The following ABLIM1 variants were observed in gnomAD, a reference collection of about 807,000 sequenced individuals.
The protein encoded by ABLIM1 is actin binding LIM protein 1.
In ABLIM1, 40 loss-of-function variants were observed where a neutral mutation model predicts 107.0. The observed-to-expected ratio is 0.37, with a 90% confidence interval of 0.29 to 0.49. The LOEUF (loss-of-function observed/expected upper bound fraction) is 0.49. Among genes scored for constraint, ABLIM1 ranks in the 20% least tolerant of loss-of-function variants. The pLI, the probability that ABLIM1 is intolerant of heterozygous loss-of-function variation, is 0.97. For missense variants in ABLIM1, 857 were observed against 1,008.5 expected (o/e 0.85, Z 2.04); for synonymous variants, 357 against 357.3 (o/e 1.00, Z 0.01).
chr10:114,646,921 T>C (rs1313367089), intron 1 of ABLIM1, among the ~76,000 whole-genome samples: 29 of 152,186 alleles, frequency 1.9e-4, no homozygotes, highest in Admixed American at 1.9e-3. Context: ...AGTATTCCCA[T>C]CATGGATAGC....
At chr10:114,440,278 T>A (rs1405185718) in intron 19 of ABLIM1, among the ~76,000 whole-genome samples, 189 bp from the exon 20 acceptor site, 1 of 152,182 alleles carries the variant, frequency 6.6e-6, no homozygotes, top group Admixed American at 6.5e-5. Flanking sequence ...TGGTCCAGTG[T>A]TAGTTAACAG....
At chr10:114,660,983 T>G (rs1340504959), upstream of ABLIM1, among the ~76,000 whole-genome samples, 1 of 152,176 alleles carries the variant, frequency 6.6e-6, no homozygotes, top group African/African-American at 2.4e-5. Context: ...CTGCATTAAC[T>G]CTACCTCAGT....
chr10:114,491,931 G>T, intron 6 of ABLIM1, 53 bp from the exon 7 acceptor site: 2 of 1,378,940 alleles, frequency 1.5e-6, no homozygotes, highest in Non-Finnish European at 2.0e-6. Flanking sequence ...ATGGATTCCA[G>T]AATCTTTTCT....
chr10:114,476,848 T>G (rs1470627221), intron 8 of ABLIM1, among the ~76,000 whole-genome samples: 2 of 152,048 alleles, frequency 1.3e-5, no homozygotes, highest in African/African-American at 4.8e-5. Context: ...GTGGCCAGGA[T>G]CTCACATTTT....
At chr10:114,678,380 CG>C (rs1387843100) in intron 1 of ABLIM1, among the ~76,000 whole-genome samples, 1 of 152,212 alleles carries the variant, frequency 6.6e-6, no homozygotes, top group African/African-American at 2.4e-5. Flanking sequence ...AAGCATGTCT[CG>C]TTAAGCTAAA....
the ABLIM1 span, chr10:114,779,868 G>T: frequency 6.6e-6 from 1 of 151,512 alleles, no homozygotes; most frequent in Non-Finnish European, 1.5e-5. Context: ...TATACGTCTA[G>T]GAAAGATCCT....
At chr10:114,715,820 GCAAT>G (rs1392474048) in intron 1 of ABLIM1, among the ~76,000 whole-genome samples, 3 of 152,062 alleles carry the variant, frequency 2.0e-5, no homozygotes, top group African/African-American at 4.8e-5. Context: ...TTTTTCATTT[GCAAT>G]CAAAGATTAT....
chr10:114,787,231 C>G, the ABLIM1 span, among the ~76,000 whole-genome samples: 1 of 151,794 alleles, frequency 6.6e-6, no homozygotes, highest in Non-Finnish European at 1.5e-5. Flanking sequence ...ACCGCCCTGT[C>G]TGAGAAGCGA....
chr10:114,652,477 C>T (rs771647745), intron 1 of ABLIM1, among the ~76,000 whole-genome samples: 5 of 152,192 alleles, frequency 3.3e-5, no homozygotes, highest in East Asian at 1.9e-4. Flanking sequence ...GAAACCATTC[C>T]GAGTGAAGAC....
intron 1 of ABLIM1, among the ~76,000 whole-genome samples, chr10:114,735,292 T>A (rs1313423678): frequency 6.6e-6 from 1 of 152,210 alleles, no homozygotes; most frequent in Non-Finnish European, 1.5e-5. Flanking sequence ...TATCTAAGAT[T>A]ATTATTTTGT....
chr10:114,492,943 A>G (rs2059200137), intron 6 of ABLIM1, among the ~76,000 whole-genome samples: 1 of 151,622 alleles, frequency 6.6e-6, no homozygotes, highest in Non-Finnish European at 1.5e-5. Flanking sequence ...AATCAGGTGG[A>G]AAAAAAAATT....
intron 1 of ABLIM1, among the ~76,000 whole-genome samples, chr10:114,666,677 C>T (rs1365575625): frequency 1.3e-5 from 2 of 152,134 alleles, no homozygotes; most frequent in Non-Finnish European, 2.9e-5. Flanking sequence ...GAATATCTCC[C>T]TCATGTATAT....
At chr10:114,567,802 G>T (rs2070979140) in intron 4 of ABLIM1, among the ~76,000 whole-genome samples, 1 of 152,230 alleles carries the variant, frequency 6.6e-6, no homozygotes, top group South Asian at 2.1e-4. Flanking sequence ...TTCTGAACAG[G>T]ATATTTCAAA....
chr10:114,508,355 G>C (rs2061426449), intron 6 of ABLIM1, among the ~76,000 whole-genome samples: 1 of 152,154 alleles, frequency 6.6e-6, no homozygotes, highest in Non-Finnish European at 1.5e-5. Flanking sequence ...TTACATTAAA[G>C]GACCTTTAAG....
At chr10:114,571,559 T>C (rs1238764942) in intron 3 of ABLIM1, among the ~76,000 whole-genome samples, 153 bp from the exon 4 acceptor site, 1 of 152,164 alleles carries the variant, frequency 6.6e-6, no homozygotes, top group East Asian at 1.9e-4. Context: ...GCCAGCCAGC[T>C]GGAGACAGTC....
chr10:114,604,144 AAGTG>A (rs1409816100), intron 1 of ABLIM1, among the ~76,000 whole-genome samples: 1 of 152,086 alleles, frequency 6.6e-6, no homozygotes, highest in African/African-American at 2.4e-5. Context: ...TCTCTCAGTG[AAGTG>A]AGTAATACTG....
At chr10:114,772,410 T>A (rs2083034682), upstream of ABLIM1, among the ~76,000 whole-genome samples, 1 of 151,978 alleles carries the variant, frequency 6.6e-6, no homozygotes, top group Non-Finnish European at 1.5e-5. Context: ...GAGACCAGCC[T>A]GGACAACATG....
At chr10:114,573,057 A>T (rs929560791) in intron 3 of ABLIM1, among the ~76,000 whole-genome samples, 4 of 152,204 alleles carry the variant, frequency 2.6e-5, no homozygotes, top group Non-Finnish European at 5.9e-5. Context: ...TCCAGTTCTC[A>T]ACTTGGGCTG....
At chr10:114,441,643 T>G (rs545580256) in intron 18 of ABLIM1, 79 bp downstream of exon 18, 326 of 1,333,806 alleles carry the variant, frequency 2.4e-4, no homozygotes, top group Non-Finnish European at 2.9e-4. Context: ...GTCAGACGTA[T>G]TCAGGCAATG....
Sources: gnomAD v4.1 joint callset for allele counts (sites outside exome capture counted in the v4.1 genomes callset) on GRCh38, gnomAD v4.1.1 for gene constraint, MANE v1.5 for transcripts, NCBI Gene and HGNC (gene_info 2026-07-23, HGNC 2026-07-21) for gene names.